HTR6: variants seen among roughly 807,000 people sequenced by gnomAD.
The protein encoded by HTR6 is 5-hydroxytryptamine receptor 6.
A neutral mutation model predicts 17.4 loss-of-function variants in HTR6; 15 were observed. The ratio of observed to expected loss-of-function variants is 0.86; its 90% CI spans 0.58 to 1.33. The LOEUF (loss-of-function observed/expected upper bound fraction) is 1.33. Among genes scored for constraint, HTR6 ranks in the 40% most tolerant of loss-of-function variants. The pLI is 0.00. For synonymous variants in HTR6, 326 were observed against 295.5 expected, an observed-to-expected ratio of 1.10 and a Z score of -1.06; for missense variants, 578 against 616.0, an observed-to-expected ratio of 0.94 and a Z score of 0.65.
intron 1 of HTR6, among the ~76,000 whole-genome samples, chr1:19,667,669 TG>T (rs2095083308): frequency 6.6e-6 from 1 of 152,178 alleles, no homozygotes; most frequent in Non-Finnish European, 1.5e-5. Context: ...TGATCCCCAC[TG>T]TGCATAGTAG....
At position 19,678,499 on chromosome 1, in the gene HTR6, C is replaced by G. The variant is rs2095097031; in HGVS notation, c.715-68C>G. The G allele has an allele frequency of 5.7e-6, 9 of 1,573,856 alleles. No individual in the cohort carries two copies. The Admixed American group carries it at 1.5e-4, about 26-fold the overall frequency. On this transcript the variant is annotated intron_variant, in intron 1 of 2. Coordinates refer to ENST00000289753, the MANE Select transcript of HTR6 (RefSeq NM_000871.3). ...TCTAGAATTAGGATTGAAGCTCAGT[C>G]TGTGGCTAGGATCAGGGTCAGACGG...
At position 19,680,928 on chromosome 1, in the gene HTR6, C is replaced by T. The variant is rs1052620217; in HGVS notation, c.*1560C>T. On this transcript the variant is annotated 3_prime_UTR_variant, in exon 3 of 3. Coordinates refer to ENST00000289753, the MANE Select transcript of HTR6 (RefSeq NM_000871.3). ...GCGGGGCTTCCCCTATCCCCCAGGT[C>T]TGCCCAAGGGGACTCTCAATAAACT... Among the ~76,000 whole-genome samples the T allele has an allele frequency of 1.3e-5, 2 of 152,162 alleles. No homozygotes were observed. Among genetic ancestry groups the T allele is most frequent in the Non-Finnish European group, 2.9e-5 (2 of 68,034 alleles).
chr1:19,678,800 CAG>C, intron 2 of HTR6, 75 bp downstream of exon 2: 1 of 1,566,946 alleles, frequency 6.4e-7, no homozygotes, highest in Non-Finnish European at 8.7e-7. Flanking sequence ...GGCATGGGGA[CAG>C]GGGAGGGTAG....
intron 1 of HTR6, among the ~76,000 whole-genome samples, chr1:19,674,780 A>G (rs2095092291): frequency 6.6e-6 from 1 of 152,224 alleles, no homozygotes; most frequent in African/African-American, 2.4e-5. Flanking sequence ...TGTGGGACAC[A>G]TTCTTGGATA....
At position 19,665,736 on chromosome 1, in the gene HTR6, C is replaced by G; in HGVS notation, c.-18C>G. On this transcript the variant is annotated 5_prime_UTR_variant, in exon 1 of 3. Coordinates refer to ENST00000289753, the MANE Select transcript of HTR6 (RefSeq NM_000871.3). The surrounding 1 kb of genome is among the most constrained non-coding windows in gnomAD (Gnocchi z 4.2). ...TCCCGCCACCCTATCACTCCCTTGC[C>G]GTCCACCCTCGGTCCTCATGGTCCC... The G allele has an allele frequency of 7.0e-7, 1 of 1,437,514 alleles. No individual in the cohort carries two copies. Among genetic ancestry groups the G allele is most frequent in the Non-Finnish European group, 9.2e-7 (1 of 1,084,956 alleles). 89.0% of individuals were successfully genotyped at this position (1,437,514 alleles called of 1,614,324 possible). A position where few individuals can be genotyped will look rare whatever the true frequency, so the allele number is the denominator to read the frequency against.
At chr1:19,672,113 G>A (rs1008065331) in intron 1 of HTR6, among the ~76,000 whole-genome samples, 2 of 151,790 alleles carry the variant, frequency 1.3e-5, no homozygotes, top group African/African-American at 4.8e-5. Flanking sequence ...GCTTGAGGGA[G>A]AGCCCAGCAG....
Position 19,665,765 on chromosome 1 carries a change from G to A in HTR6, c.12G>A (p.Glu4=). The A allele has an allele frequency of 6.7e-7, 1 of 1,491,692 alleles. No individual in the cohort carries two copies. Among genetic ancestry groups the A allele is most frequent in the East Asian group, 2.4e-5 (1 of 40,820 alleles). The allele number at this position is 1,491,692 out of a possible 1,614,324, so 92.4% of individuals were successfully genotyped here. A position where few individuals can be genotyped will look rare whatever the true frequency, so the allele number is the denominator to read the frequency against. Residue 4 remains glutamate, a synonymous_variant, in exon 1 of 3, where the codon GAG becomes GAA. Transcript: ENST00000289753. The surrounding 1 kb of genome is among the most constrained non-coding windows in gnomAD (Gnocchi z 4.2). ...CACCCTCGGTCCTCATGGTCCCAGA[G>A]CCGGGCCCAACCGCCAATAGCACCC... MVP[E]PGPTANSTPA... is the part of the protein sequence containing the mutation.
At position 19,680,332 on chromosome 1, in the gene HTR6, C is replaced by T. The variant is rs961052232; in HGVS notation, c.*964C>T. On this transcript the variant is annotated 3_prime_UTR_variant, in exon 3 of 3. Coordinates refer to ENST00000289753, the MANE Select transcript of HTR6 (RefSeq NM_000871.3). Reference sequence around the variant, plus strand: ...TTTGCCTCCCCCTCTTCAGCCCTGGCCTAGCCTCCCAAAGCCTGACTCTGG... The same window carrying T: ...TTTGCCTCCCCCTCTTCAGCCCTGGTCTAGCCTCCCAAAGCCTGACTCTGG... 6.4e-4 allele frequency among the ~76,000 whole-genome samples: 98 copies of T among 152,208 alleles called. No individual in the cohort carries two copies. Among genetic ancestry groups the T allele is most frequent in the African/African-American group, 2.2e-3 (92 of 41,452 alleles).
At chr1:19,678,523 G>A (rs201508617) in intron 1 of HTR6, 44 bp from the exon 2 acceptor site, 403 of 1,609,398 alleles carry the variant, frequency 2.5e-4, no homozygotes, top group Non-Finnish European at 3.3e-4. Context: ...AGGGTCAGAC[G>A]GGGGCCCTTT....
At position 19,680,236 on chromosome 1, in the gene HTR6, G is replaced by C. The variant is rs575698746; in HGVS notation, c.*868G>C. Among the ~76,000 whole-genome samples the C allele has an allele frequency of 3.3e-5, 5 of 152,298 alleles. No individual in the cohort carries two copies. The highest frequency in any genetic ancestry group is 1.2e-4 in the African/African-American group (5 of 41,554). On this transcript the variant is annotated 3_prime_UTR_variant, in exon 3 of 3. Transcript: ENST00000289753. ...GGTACGTTCTGTTGTTACGACCCCC[G>C]GCTATCCAGCCCCCTGGCCTCTCCG...
chr1:19,670,467 C>CTTTT (rs34145209), intron 1 of HTR6, among the ~76,000 whole-genome samples: 1 of 137,690 alleles, frequency 7.3e-6, no homozygotes, highest in African/African-American at 2.7e-5. Context: ...GTTTTTCTGC[C>CTTTT]TTTTTTTTTT....
In HTR6 at chr1:19,665,774, A is replaced by G; in HGVS notation, c.21A>G (p.Pro7=). Residue 7 remains proline (P), a synonymous_variant, in exon 1 of 3, where the codon CCA becomes CCG. Transcript: ENST00000289753. This position sits in a 1 kb window ranked among gnomAD's most constrained non-coding sequence, Gnocchi z 4.2. MVPEPG[P]TANSTPAWGA... is the part of the protein sequence containing the mutation. ...TCCTCATGGTCCCAGAGCCGGGCCC[A>G]ACCGCCAATAGCACCCCGGCCTGGG... is the stretch of plus-strand genomic sequence containing the variant. The G allele has an allele frequency of 6.7e-7, 1 of 1,489,302 alleles. No individual in the cohort carries two copies. The highest frequency in any genetic ancestry group is 1.4e-5 in the South Asian group (1 of 71,690). The allele number at this position is 1,489,302 out of a possible 1,614,324, so 92.3% of individuals were successfully genotyped here.
In HTR6 at chr1:19,665,599, G is replaced by A; in HGVS notation, c.-155G>A. 1 of 559,680 alleles carries A rather than the reference G, an allele frequency of 1.8e-6. No homozygotes were observed. The highest frequency in any genetic ancestry group is 3.1e-6 in the Non-Finnish European group (1 of 322,400). 34.7% of individuals were successfully genotyped at this position (559,680 alleles called of 1,614,324 possible). ...GCCCCCTGACCTAGCGCGACCCAGC[G>A]CCCCCGCCCATGTCCCCCCACTCAC... On this transcript the variant is annotated 5_prime_UTR_variant, in exon 1 of 3. Transcript: ENST00000289753. This position sits in a 1 kb window ranked among gnomAD's most constrained non-coding sequence, Gnocchi z 4.2.
intron 1 of HTR6, among the ~76,000 whole-genome samples, chr1:19,675,978 G>A (rs1016318391): frequency 3.9e-5 from 6 of 152,142 alleles, no homozygotes; most frequent in Admixed American, 6.5e-5. Context: ...GTATGATGGG[G>A]TGGAGTCGGA....
In HTR6 at chr1:19,664,897, G is replaced by T. The variant is rs2095078881; in HGVS notation, c.-857G>T. 1.3e-5 allele frequency among the ~76,000 whole-genome samples: 2 copies of T among 150,208 alleles called. No homozygotes were observed. Among genetic ancestry groups the T allele is most frequent in the Admixed American group, 6.6e-5 (1 of 15,100 alleles). Reference sequence around the variant, plus strand: ...GCTGCACCCGGCCTCTCCTCCGCGCGTGCGGGCCCCTCGCGGCGCCTCCCG... The same window carrying T: ...GCTGCACCCGGCCTCTCCTCCGCGCTTGCGGGCCCCTCGCGGCGCCTCCCG... On this transcript the variant is annotated 5_prime_UTR_variant, in exon 1 of 3. Transcript: ENST00000289753. The surrounding 1 kb of genome is among the most constrained non-coding windows in gnomAD (Gnocchi z 4.7).
At chr1:19,672,425 TGTG>T (rs991732992) in intron 1 of HTR6, among the ~76,000 whole-genome samples, 1 of 145,160 alleles carries the variant, frequency 6.9e-6, no homozygotes, top group African/African-American at 2.5e-5. Flanking sequence ...AGGAGGAGGC[TGTG>T]ATCACAGAAA....
intron 1 of HTR6, among the ~76,000 whole-genome samples, chr1:19,677,885 G>T (rs1224691041): frequency 6.6e-6 from 1 of 152,174 alleles, no homozygotes; most frequent in African/African-American, 2.4e-5. Context: ...GATTACAGGT[G>T]CCTGCCACCA....
chr1:19,677,218 T>TTGTGTGTGTG (rs10582325), intron 1 of HTR6, among the ~76,000 whole-genome samples: 10 of 148,440 alleles, frequency 6.7e-5, no homozygotes, highest in African/African-American at 2.5e-4. Flanking sequence ...GGGGAGAGGT[T>TTGTGTGTGTG]TGTGTGTGTG....
At chr1:19,678,226 G>A (rs1488686049) in intron 1 of HTR6, among the ~76,000 whole-genome samples, 2 of 152,008 alleles carry the variant, frequency 1.3e-5, no homozygotes, top group African/African-American at 4.8e-5. Flanking sequence ...TTCTGGGTCA[G>A]GGTCAGGGCT....
Sources: allele counts gnomAD v4.1 joint callset (sites outside exome capture counted in the v4.1 genomes callset), GRCh38; gene constraint gnomAD v4.1.1; non-coding constraint Gnocchi (gnomAD v3.1); transcripts MANE v1.5; gene names NCBI Gene and HGNC (gene_info 2026-07-23, HGNC 2026-07-21).